The following ZZEF1 variants were observed in gnomAD, a reference collection of about 807,000 sequenced individuals.
ZZEF1 encodes the protein zinc finger ZZ-type and EF-hand domain-containing protein 1.
In ZZEF1, 157 loss-of-function variants were observed where a neutral mutation model predicts 342.8. The ratio of observed to expected loss-of-function variants is 0.46; its 90% CI spans 0.40 to 0.52. The LOEUF (loss-of-function observed/expected upper bound fraction) is 0.52, where lower values mean the gene tolerates loss of function less well. Ranked by LOEUF, ZZEF1 falls within the 20% of genes least tolerant of loss-of-function variation. The pLI, the probability that ZZEF1 is intolerant of heterozygous loss-of-function variation, is 0.00. For synonymous variants in ZZEF1, 1,505 were observed against 1,429.1 expected (o/e 1.05, Z -1.20); for missense variants, 3,480 against 3,725.6 (o/e 0.93, Z 1.72).
In ZZEF1 at chr17:4,141,115, G is replaced by A. The variant is rs1056575051; in HGVS notation, c.354+1427C>T. Among the ~76,000 whole-genome samples, 4 of 152,102 alleles carry A rather than the reference G, an allele frequency of 2.6e-5. No individual in the cohort carries two copies. In the South Asian group the frequency reaches 8.3e-4, roughly 32 times the overall value. On this transcript the variant is annotated intron_variant, in intron 1 of 54. Coordinates refer to ENST00000381638, the MANE Select transcript of ZZEF1 (RefSeq NM_015113.4). ...GTAGAGGTGGGGTTTCACCACGTTGGCCAGGCTGGTCTTGAATTCCTGACC... is the reference window on the plus strand; with the variant it reads ...GTAGAGGTGGGGTTTCACCACGTTGACCAGGCTGGTCTTGAATTCCTGACC...
chr17:4,107,804 G>A (rs2058235876), intron 6 of ZZEF1, among the ~76,000 whole-genome samples: 1 of 152,208 alleles, frequency 6.6e-6, no homozygotes, highest in African/African-American at 2.4e-5. Flanking sequence ...CTGCACTTTG[G>A]GAGACCGAGG....
Position 4,088,840 on chromosome 17 carries a change from T to TCC in ZZEF1, c.2077_2078dup (p.Val694GlufsTer5). 6.2e-7 allele frequency: 1 copy of TCC among 1,614,164 alleles called. No individual in the cohort carries two copies. The highest frequency in any genetic ancestry group is 8.5e-7 in the Non-Finnish European group (1 of 1,180,032). The stretch of plus-strand genomic sequence containing the variant: ...ACCCACTGATGGTCAAGCCTTGCAC[T>TCC]CCCAAGCGCTCTGCTGACTCCTGAC... On this transcript the variant is annotated frameshift_variant, in exon 13 of 55. Coordinates refer to ENST00000381638, the MANE Select transcript of ZZEF1 (RefSeq NM_015113.4). LOFTEE classifies it high-confidence loss of function.
intron 1 of ZZEF1, among the ~76,000 whole-genome samples, chr17:4,135,518 T>C (rs1224805171): frequency 6.6e-6 from 1 of 152,038 alleles, no homozygotes; most frequent in Non-Finnish European, 1.5e-5. Flanking sequence ...CATTCTCCAG[T>C]GTCTCTGAGA....
At chr17:4,081,188 G>T (rs895573045) in intron 18 of ZZEF1, among the ~76,000 whole-genome samples, 188 bp downstream of exon 18, 1 of 152,142 alleles carries the variant, frequency 6.6e-6, no homozygotes, top group Non-Finnish European at 1.5e-5. Context: ...AGTGAGCTGT[G>T]ATTGTGCCAC....
intron 1 of ZZEF1, among the ~76,000 whole-genome samples, chr17:4,134,299 G>A (rs2058713529): frequency 6.7e-6 from 1 of 149,066 alleles, no homozygotes; most frequent in Non-Finnish European, 1.5e-5. Context: ...AGCCTGGGTG[G>A]TAGATGAAGA....
Position 4,075,246 on chromosome 17 carries a change from G to A in ZZEF1, c.3401+17C>T. Reference sequence around the variant, plus strand: ...GACCTATTAGCGCTTGGGGGTGAAAGAATATAGAAGTCTTACCTTTTTTCA... The same window carrying A: ...GACCTATTAGCGCTTGGGGGTGAAAAAATATAGAAGTCTTACCTTTTTTCA... On this transcript the variant is annotated intron_variant, in intron 22 of 54. Coordinates refer to ENST00000381638, the MANE Select transcript of ZZEF1 (RefSeq NM_015113.4). 5 of 1,613,710 alleles carry A rather than the reference G, an allele frequency of 3.1e-6. No homozygotes were observed. Among genetic ancestry groups the A allele is most frequent in the Non-Finnish European group, 3.4e-6 (4 of 1,179,686 alleles).
intron 1 of ZZEF1, among the ~76,000 whole-genome samples, chr17:4,129,645 T>A (rs1199842183): frequency 6.6e-6 from 1 of 152,128 alleles, no homozygotes; most frequent in Non-Finnish European, 1.5e-5. Flanking sequence ...CAGACCAGCC[T>A]GTCCAATATG....
chr17:4,085,406 T>C (rs1372994885), intron 16 of ZZEF1, among the ~76,000 whole-genome samples: 1 of 152,198 alleles, frequency 6.6e-6, no homozygotes, highest in Non-Finnish European at 1.5e-5. Context: ...GAAAGGATGG[T>C]TGTAGGCAAG....
chr17:4,081,212 G>T (rs1232418962), intron 18 of ZZEF1, among the ~76,000 whole-genome samples, 164 bp downstream of exon 18: 3 of 152,054 alleles, frequency 2.0e-5, no homozygotes, highest in Admixed American at 1.3e-4. Context: ...ACCCCAGCCC[G>T]GGTGACAGAG....
intron 19 of ZZEF1, 112 bp downstream of exon 19, chr17:4,077,771 C>T (rs2057650317): frequency 2.7e-6 from 3 of 1,130,722 alleles, no homozygotes; most frequent in East Asian, 2.4e-5. Context: ...GAATCTGAAT[C>T]GTAATGAAGA....
chr17:4,024,082 CTGACATA>C (rs1462735655), intron 43 of ZZEF1, among the ~76,000 whole-genome samples: 1 of 151,266 alleles, frequency 6.6e-6, no homozygotes, highest in African/African-American at 2.4e-5. Context: ...TAAAAGGGAG[CTGACATA>C]TGTTTCCTTG....
intron 52 of ZZEF1, 21 bp downstream of exon 52, chr17:4,013,427 TG>T: frequency 6.4e-7 from 1 of 1,572,124 alleles, no homozygotes. Context: ...GGCAAAGGGC[TG>T]CCATCCGGGA....
At chr17:4,056,139 C>T (rs756247220) in intron 33 of ZZEF1, 77 bp downstream of exon 33, 7 of 1,398,856 alleles carry the variant, frequency 5.0e-6, no homozygotes, top group Non-Finnish European at 5.6e-6. Flanking sequence ...AAGAGCCTGC[C>T]AGAACCCCCC....
Position 4,008,916 on chromosome 17 carries a change from G to A in ZZEF1, c.8772C>T (p.Thr2924=), listed in dbSNP as rs1180153550. ...CACAGCGGAGAAGGTGGTCGTCCGT[G>A]GTTAGGGCCAGCAGGTAATCCTGCA... ...GVLQDYLLAL[T]TDDHLLRCAA... is the part of the protein sequence containing the mutation. Residue 2924 remains threonine, a synonymous_variant, in exon 54 of 55, where the codon ACC becomes ACT. Coordinates refer to ENST00000381638, the MANE Select transcript of ZZEF1 (RefSeq NM_015113.4). This position sits in a 1 kb window ranked among gnomAD's most constrained non-coding sequence, Gnocchi z 4.2. 1.9e-6 allele frequency: 3 copies of A among 1,545,620 alleles called. No homozygotes were observed. The highest frequency in any genetic ancestry group is 1.7e-6 in the Non-Finnish European group (2 of 1,148,350).
chr17:4,029,261 A>C (rs2056483708), intron 42 of ZZEF1, among the ~76,000 whole-genome samples: 1 of 152,196 alleles, frequency 6.6e-6, no homozygotes, highest in Non-Finnish European at 1.5e-5. Flanking sequence ...AACTAATTAA[A>C]AATATGCTCT....
chr17:4,139,142 T>C (rs1370802519), intron 1 of ZZEF1, among the ~76,000 whole-genome samples: 2 of 135,976 alleles, frequency 1.5e-5, no homozygotes, highest in Non-Finnish European at 3.1e-5. Flanking sequence ...ACCTTCTCCC[T>C]GGACCACACC....
At chr17:4,116,788 T>C (rs902539272) in intron 3 of ZZEF1, among the ~76,000 whole-genome samples, 184 bp downstream of exon 3, 7 of 152,158 alleles carry the variant, frequency 4.6e-5, no homozygotes, top group African/African-American at 1.7e-4. Flanking sequence ...GAGAATTGAA[T>C]GATGAGAAAC....
chr17:4,123,229 CTTA>C (rs2058513496), intron 2 of ZZEF1, among the ~76,000 whole-genome samples: 1 of 138,914 alleles, frequency 7.2e-6, no homozygotes, highest in African/African-American at 2.7e-5. Flanking sequence ...CTGACCTCTT[CTTA>C]TTATGCCTAA....
At chr17:4,120,518 A>C (rs2058466215) in intron 2 of ZZEF1, among the ~76,000 whole-genome samples, 1 of 152,244 alleles carries the variant, frequency 6.6e-6, no homozygotes, top group African/African-American at 2.4e-5. Context: ...GTCCCATGAC[A>C]GGCCGTCTGA....
Sources: gnomAD v4.1 joint callset for allele counts (sites outside exome capture counted in the v4.1 genomes callset) on GRCh38, gnomAD v4.1.1 for gene constraint, Gnocchi (gnomAD v3.1) non-coding constraint, MANE v1.5 for transcripts, NCBI Gene and HGNC (gene_info 2026-07-23, HGNC 2026-07-21) for gene names.